Variants in ME1 observed in about 807,000 individuals in gnomAD.
ME1 encodes NADP-dependent malic enzyme.
ME1 carries 74 observed loss-of-function variants against 66.4 expected under a neutral mutation model. The ratio of observed to expected loss-of-function variants is 1.11; its 90% CI spans 0.92 to 1.35. ME1 has a LOEUF of 1.35. ME1 is among the 40% of genes most tolerant of loss of function. The pLI, the probability that ME1 is intolerant of heterozygous loss-of-function variation, is 0.00. For synonymous variants in ME1, 251 were observed against 235.6 expected (o/e 1.07, Z -0.60); for missense variants, 750 against 694.1 (o/e 1.08, Z -0.90).
At chr6:83,397,805 G>A (rs1769765631) in intron 3 of ME1, among the ~76,000 whole-genome samples, 1 of 152,102 alleles carries the variant, frequency 6.6e-6, no homozygotes, top group Non-Finnish European at 1.5e-5. Context: ...CCTTAAAGAA[G>A]AAAGAAATTC....
chr6:83,290,969 T>C (rs575652238), intron 6 of ME1, among the ~76,000 whole-genome samples: 1 of 152,194 alleles, frequency 6.6e-6, no homozygotes, highest in Non-Finnish European at 1.5e-5. Context: ...TGCATTTGCT[T>C]GATAGATCTT....
At chr6:83,243,328 AAT>A (rs1472212164) in intron 7 of ME1, among the ~76,000 whole-genome samples, 1 of 140,052 alleles carries the variant, frequency 7.1e-6, no homozygotes, top group Non-Finnish European at 1.5e-5. Context: ...AATTATATAA[AAT>A]ATAATTATAT....
chr6:83,367,887 T>A (rs1164708429), intron 3 of ME1, among the ~76,000 whole-genome samples: 1 of 152,226 alleles, frequency 6.6e-6, no homozygotes, highest in Non-Finnish European at 1.5e-5. Context: ...ACAACTTGGA[T>A]AACAGTTTGG....
chr6:83,345,028 C>T (rs1257076862), intron 5 of ME1, among the ~76,000 whole-genome samples: 2 of 151,978 alleles, frequency 1.3e-5, no homozygotes, highest in African/African-American at 4.8e-5. Context: ...AGCAGGGTCT[C>T]ACTCTGTAGC....
intron 5 of ME1, among the ~76,000 whole-genome samples, chr6:83,330,064 T>C (rs1305158037): frequency 2.6e-5 from 4 of 152,160 alleles, no homozygotes; most frequent in Non-Finnish European, 5.9e-5. Flanking sequence ...CAAGTGATCC[T>C]CTCACTTCAC....
chr6:83,219,915 T>G (rs1437677778), intron 12 of ME1, among the ~76,000 whole-genome samples: 1 of 151,940 alleles, frequency 6.6e-6, no homozygotes, highest in African/African-American at 2.4e-5. Flanking sequence ...AAAGAACCAA[T>G]AGGCAGCCCA....
chr6:83,295,298 A>G (rs560701098), intron 6 of ME1, among the ~76,000 whole-genome samples: 1 of 152,340 alleles, frequency 6.6e-6, no homozygotes, highest in South Asian at 2.1e-4. Flanking sequence ...TTAAAGGAAC[A>G]CTCAAACACA....
chr6:83,331,171 A>T (rs1425955427), intron 5 of ME1, among the ~76,000 whole-genome samples: 1 of 152,198 alleles, frequency 6.6e-6, no homozygotes, highest in Non-Finnish European at 1.5e-5. Flanking sequence ...CCAAATTCAT[A>T]TGTTGAATCC....
At chr6:83,215,071 G>C (rs1387675341) in intron 13 of ME1, among the ~76,000 whole-genome samples, 6 of 152,026 alleles carry the variant, frequency 3.9e-5, no homozygotes, top group Non-Finnish European at 8.8e-5. Flanking sequence ...ATACATATTA[G>C]TAGAATATAT....
rs138686369 is a variant in ME1, at chr6:83,248,188, C to G, written c.814+5441G>C. Among the ~76,000 whole-genome samples, 432 of 152,284 alleles carry G rather than the reference C, an allele frequency of 2.8e-3. 2 individuals are homozygous for G. The highest frequency in any genetic ancestry group is 6.8e-3 in the Middle Eastern group (2 of 294). On this transcript the variant is annotated intron_variant, in intron 7 of 13. Coordinates refer to ENST00000369705, the MANE Select transcript of ME1 (RefSeq NM_002395.6). ...GTTTTGTTTGATAATTTGAATTTAGCATTCGTTTTCTTAAACTGAACTCTG... is the reference window on the plus strand; with the variant it reads ...GTTTTGTTTGATAATTTGAATTTAGGATTCGTTTTCTTAAACTGAACTCTG...
intron 6 of ME1, among the ~76,000 whole-genome samples, chr6:83,283,032 T>G (rs1767329100): frequency 6.6e-6 from 1 of 150,658 alleles, no homozygotes; most frequent in African/African-American, 2.4e-5. Context: ...ATCGAGACCA[T>G]CCTGGCTAAC....
At chr6:83,357,257 G>C (rs1344755348) in intron 3 of ME1, among the ~76,000 whole-genome samples, 2 of 152,080 alleles carry the variant, frequency 1.3e-5, no homozygotes, top group African/African-American at 4.8e-5. Context: ...CGTCCTCCAG[G>C]CTTCTTTACT....
chr6:83,221,154 G>A (rs1011476047), intron 12 of ME1, among the ~76,000 whole-genome samples: 19 of 106,314 alleles, frequency 1.8e-4, no homozygotes, highest in African/African-American at 5.9e-4. Context: ...GCGAGACTCC[G>A]TCTCAAAAAA....
intron 7 of ME1, among the ~76,000 whole-genome samples, chr6:83,247,635 C>T (rs545937387): frequency 6.6e-6 from 1 of 152,008 alleles, no homozygotes; most frequent in Non-Finnish European, 1.5e-5. Flanking sequence ...CACTGGAATG[C>T]AATTTCTGTG....
intron 5 of ME1, among the ~76,000 whole-genome samples, chr6:83,343,986 C>T (rs578046717): frequency 2.8e-4 from 43 of 151,652 alleles, no homozygotes; most frequent in Admixed American, 2.0e-3. Context: ...TACAAACAAT[C>T]TCAATAAATG....
intron 6 of ME1, among the ~76,000 whole-genome samples, chr6:83,283,952 G>A (rs1319786125): frequency 6.6e-6 from 1 of 152,130 alleles, no homozygotes; most frequent in Non-Finnish European, 1.5e-5. Context: ...TCAAAAGTTG[G>A]TTCTTTGAAA....
At chr6:83,385,836 T>C (rs1769494320) in intron 3 of ME1, among the ~76,000 whole-genome samples, 1 of 151,776 alleles carries the variant, frequency 6.6e-6, no homozygotes, top group Non-Finnish European at 1.5e-5. Flanking sequence ...CATATATACA[T>C]TTTCATAAAA....
chr6:83,384,255 T>C (rs550058301), intron 3 of ME1, among the ~76,000 whole-genome samples: 15 of 151,434 alleles, frequency 9.9e-5, no homozygotes, highest in South Asian at 6.2e-4. Context: ...CAAACTGCTT[T>C]CTACAGTGGC....
intron 3 of ME1, among the ~76,000 whole-genome samples, chr6:83,355,470 A>G (rs535031402): frequency 2.6e-5 from 4 of 152,290 alleles, no homozygotes; most frequent in Admixed American, 1.3e-4. Flanking sequence ...TTAAATGCCA[A>G]TGTTTATTAT....
Sources: allele counts gnomAD v4.1 joint callset (sites outside exome capture counted in the v4.1 genomes callset), GRCh38; gene constraint gnomAD v4.1.1; transcripts MANE v1.5; gene names NCBI Gene and HGNC (gene_info 2026-07-23, HGNC 2026-07-21).